KIF26B: variants seen among roughly 807,000 people sequenced by gnomAD.
KIF26B encodes kinesin family member 26B.
A neutral mutation model predicts 151.2 loss-of-function variants in KIF26B; 63 were observed. That is an observed-to-expected ratio of 0.42 (90% confidence interval 0.34 to 0.51). The LOEUF is 0.51. Ranked by LOEUF, KIF26B falls within the 20% of genes least tolerant of loss-of-function variation. KIF26B has a pLI of 0.07. For missense variants in KIF26B, 2,813 were observed against 2,913.6 expected (o/e 0.97, Z 0.79); for synonymous variants, 1,357 against 1,262.1 (o/e 1.08, Z -1.59).
At chr1:245,440,049 G>A (rs773998340) in intron 4 of KIF26B, among the ~76,000 whole-genome samples, 1 of 152,076 alleles carries the variant, frequency 6.6e-6, no homozygotes, top group Non-Finnish European at 1.5e-5. Context: ...GTGAAACCCC[G>A]TCTCTACTAA....
intron 4 of KIF26B, among the ~76,000 whole-genome samples, chr1:245,443,376 G>A (rs561867119): frequency 7.7e-5 from 11 of 143,446 alleles, no homozygotes; most frequent in South Asian, 4.5e-4. Context: ...TTCACCCTGC[G>A]GTCATCTCTC....
chr1:245,497,067 T>C (rs12038169), intron 4 of KIF26B, among the ~76,000 whole-genome samples: 68,603 of 150,772 alleles, frequency 0.46, 16,279 homozygotes, highest in East Asian at 0.84. Context: ...GCAGGAGAAT[T>C]GCTTGAACCC....
chr1:245,400,231 T>C (rs1455699308), intron 3 of KIF26B, among the ~76,000 whole-genome samples: 1 of 152,218 alleles, frequency 6.6e-6, no homozygotes, highest in African/African-American at 2.4e-5. Context: ...TGGTAGATGG[T>C]CAGACTGGTA....
In KIF26B at chr1:245,686,465, C is replaced by T. The variant is rs1298686687; in HGVS notation, c.3482C>T (p.Pro1161Leu). The T allele has an allele frequency of 1.9e-6, 3 of 1,613,146 alleles. No homozygotes were observed. The highest frequency in any genetic ancestry group is 2.7e-5 in the African/African-American group (2 of 74,928). The change falls in exon 12 of 15, where the codon CCT becomes CTT. Residue 1161 changes from proline (P) to leucine (L), a missense_variant. Physicochemically the swap from Pro to Leu is moderately conservative, Grantham distance 98. This residue lies in a region of KIF26B where 2,060 missense variants were observed against 2,088.6 expected (regional missense o/e 0.99). Coordinates refer to ENST00000407071, the MANE Select transcript of KIF26B (RefSeq NM_018012.4). The surrounding 1 kb of genome is among the most constrained non-coding windows in gnomAD (Gnocchi z 5.6). Reference protein sequence around the residue: ...PVDDEQQAATPSESKKEILST... With the variant: ...PVDDEQQAATLSESKKEILST... ...GATGATGAGCAGCAGGCAGCTACTC[C>T]TTCAGAGTCCAAGAAGGAGATCCTG...
At chr1:245,532,357 T>G in intron 4 of KIF26B, among the ~76,000 whole-genome samples, 1 of 150,148 alleles carries the variant, frequency 6.7e-6, no homozygotes. Context: ...GCCATTCTCC[T>G]GCCTCAGCCT....
intron 2 of KIF26B, among the ~76,000 whole-genome samples, chr1:245,162,245 G>T (rs1668543528): frequency 6.6e-6 from 1 of 152,178 alleles, no homozygotes; most frequent in Non-Finnish European, 1.5e-5. Context: ...ACTCTCTGCA[G>T]TCACAAGCTA....
At chr1:245,210,952 T>C (rs1169567748) in intron 2 of KIF26B, among the ~76,000 whole-genome samples, 1 of 152,168 alleles carries the variant, frequency 6.6e-6, no homozygotes, top group African/African-American at 2.4e-5. Context: ...GATGTTCTGT[T>C]CTTCTTGGGA....
intron 4 of KIF26B, among the ~76,000 whole-genome samples, chr1:245,426,632 C>T (rs1270440695): frequency 2.0e-5 from 3 of 152,318 alleles, no homozygotes; most frequent in South Asian, 2.1e-4. Context: ...CCAGTATCCC[C>T]TTGGGTCCAG....
At chr1:245,390,599 T>C in intron 3 of KIF26B, among the ~76,000 whole-genome samples, 1 of 152,074 alleles carries the variant, frequency 6.6e-6, no homozygotes, top group Admixed American at 6.6e-5. Flanking sequence ...GGATGGTCAG[T>C]TGCATTAGTT....
intron 4 of KIF26B, among the ~76,000 whole-genome samples, chr1:245,526,396 A>G (rs1326521718): frequency 6.6e-6 from 1 of 152,202 alleles, no homozygotes; most frequent in Admixed American, 6.5e-5. Context: ...TTTTCAGCAG[A>G]GTCAAGGGCA....
intron 2 of KIF26B, among the ~76,000 whole-genome samples, chr1:245,210,435 C>T (rs752385771): frequency 8.7e-4 from 129 of 148,794 alleles, no homozygotes; most frequent in Non-Finnish European, 1.4e-3. Context: ...AGTTGTTCTG[C>T]GATGTGGTGT....
intron 2 of KIF26B, among the ~76,000 whole-genome samples, chr1:245,199,457 C>T: frequency 6.6e-6 from 1 of 151,750 alleles, no homozygotes; most frequent in East Asian, 1.9e-4. Context: ...ATTCATCCAT[C>T]ATACCTGTTC....
chr1:245,507,523 T>C (rs927547723), intron 4 of KIF26B, among the ~76,000 whole-genome samples: 1 of 152,236 alleles, frequency 6.6e-6, no homozygotes, highest in African/African-American at 2.4e-5. Flanking sequence ...GGCAGGCCCT[T>C]GGCCTTCTGC....
chr1:245,310,151 CAATA>C (rs909342101), intron 2 of KIF26B, among the ~76,000 whole-genome samples: 63 of 149,226 alleles, frequency 4.2e-4, no homozygotes, highest in Non-Finnish European at 5.2e-4. Flanking sequence ...ACATATCAAT[CAATA>C]AATATCTCTC....
chr1:245,245,171 A>G (rs1453729898), intron 2 of KIF26B, among the ~76,000 whole-genome samples: 1 of 152,172 alleles, frequency 6.6e-6, no homozygotes, highest in Non-Finnish European at 1.5e-5. Flanking sequence ...GGGTCTGCAG[A>G]TGTCAGAGCT....
At chr1:245,681,062 T>C (rs2044429465) in intron 10 of KIF26B, among the ~76,000 whole-genome samples, 1 of 152,134 alleles carries the variant, frequency 6.6e-6, no homozygotes, top group African/African-American at 2.4e-5. Context: ...GACACACTTC[T>C]TTCAGGTAGG....
intron 10 of KIF26B, among the ~76,000 whole-genome samples, chr1:245,668,836 C>T (rs922167224): frequency 3.3e-5 from 5 of 152,048 alleles, no homozygotes; most frequent in South Asian, 2.1e-4. Flanking sequence ...ATTACAGGCA[C>T]GCACCACCAT....
intron 4 of KIF26B, among the ~76,000 whole-genome samples, chr1:245,489,124 T>C (rs2103072968): frequency 6.6e-6 from 1 of 152,322 alleles, no homozygotes; most frequent in Middle Eastern, 3.4e-3. Context: ...ACCTCTTCAC[T>C]GAGAATCTAG....
intron 5 of KIF26B, among the ~76,000 whole-genome samples, chr1:245,542,299 GCAATGATCGTGC>G (rs1661642021): frequency 1.3e-5 from 2 of 152,360 alleles, no homozygotes; most frequent in Middle Eastern, 3.4e-3. Context: ...GCTGCAGTGA[GCAATGATCGTGC>G]CACTGCACTC....
Sources: gnomAD v4.1 joint callset for allele counts (sites outside exome capture counted in the v4.1 genomes callset) on GRCh38, gnomAD v4.1.1 for gene constraint, gnomAD v4.1.1 regional missense constraint, Gnocchi (gnomAD v3.1) non-coding constraint, MANE v1.5 for transcripts, NCBI Gene and HGNC (gene_info 2026-07-23, HGNC 2026-07-21) for gene names.